NDFIP1: variants seen among roughly 807,000 people sequenced by gnomAD.
The protein encoded by NDFIP1 is NEDD4 family-interacting protein 1.
Under a neutral mutation model 28.8 loss-of-function variants are expected in NDFIP1, and 7 were observed. The observed-to-expected ratio is 0.24, with a 90% CI of 0.14 to 0.46. The LOEUF (loss-of-function observed/expected upper bound fraction) is 0.46, where lower values mean the gene tolerates loss of function less well. Among genes scored for constraint, NDFIP1 ranks in the 20% least tolerant of loss-of-function variants. NDFIP1 has a pLI of 0.99. For synonymous variants in NDFIP1, 92 were observed against 101.0 expected (o/e 0.91, Z 0.53); for missense variants, 194 against 269.1 (o/e 0.72, Z 1.95).
chr5:142,151,530 G>A (rs1051501378), intron 7 of NDFIP1, among the ~76,000 whole-genome samples: 35 of 152,160 alleles, frequency 2.3e-4, no homozygotes, highest in Admixed American at 2.3e-3. Flanking sequence ...GTTTTTTCTA[G>A]TTCTAGAGGC....
chr5:142,130,916 A>G (rs1757221167), intron 1 of NDFIP1, among the ~76,000 whole-genome samples: 1 of 152,156 alleles, frequency 6.6e-6, no homozygotes, highest in African/African-American at 2.4e-5. Context: ...TTTTTCATGT[A>G]ATAATAGTAC....
In NDFIP1 at chr5:142,135,748, C is replaced by G; in HGVS notation, c.301C>G (p.Arg101Gly). 6.2e-7 allele frequency: 1 copy of G among 1,613,190 alleles called. No individual in the cohort carries two copies. Among genetic ancestry groups the G allele is most frequent in the Non-Finnish European group, 8.5e-7 (1 of 1,179,542 alleles). Residue 101 changes from arginine to glycine, a missense_variant, in exon 4 of 8, where the codon CGG (arginine) becomes GGG (glycine). Physicochemically the swap from Arg to Gly is moderately radical, Grantham distance 125. Transcript: ENST00000253814. ...VPGRDEDFVG[R>G]DDFDDADQLR... ...CATTTAGGATGAGGATTTTGTGGGT[C>G]GGGATGATTTTGATGATGCTGACCA...
At chr5:142,146,989 T>G (rs76964416) in intron 7 of NDFIP1, among the ~76,000 whole-genome samples, 3,226 of 152,242 alleles carry the variant, frequency 0.021, 68 homozygotes, top group Middle Eastern at 0.044. Flanking sequence ...CTAAGGGAGA[T>G]TCAAGTGTTG....
chr5:142,142,332 T>G (rs1483823686), intron 6 of NDFIP1, among the ~76,000 whole-genome samples: 1 of 152,074 alleles, frequency 6.6e-6, no homozygotes, highest in Non-Finnish European at 1.5e-5. Context: ...CTCTATTGAT[T>G]ATTGAGAACT....
At chr5:142,116,904 T>C (rs1757074358) in intron 1 of NDFIP1, among the ~76,000 whole-genome samples, 2 of 151,870 alleles carry the variant, frequency 1.3e-5, no homozygotes, top group Admixed American at 1.3e-4. Flanking sequence ...AGAGATGGGG[T>C]TTCACCACGT....
intron 4 of NDFIP1, among the ~76,000 whole-genome samples, chr5:142,136,935 G>C (rs975358398): frequency 6.6e-6 from 1 of 151,086 alleles, no homozygotes; most frequent in Non-Finnish European, 1.5e-5. Context: ...GCCGGGCCTG[G>C]CGGTGCACGC....
At chr5:142,110,319 G>A (rs1029464505) in intron 1 of NDFIP1, among the ~76,000 whole-genome samples, 4 of 152,154 alleles carry the variant, frequency 2.6e-5, no homozygotes, top group African/African-American at 9.7e-5. Context: ...CAGCCTGCGG[G>A]TTCCTTACTG....
chr5:142,135,649 T>C, intron 3 of NDFIP1, 81 bp from the exon 4 acceptor site: 1 of 1,229,686 alleles, frequency 8.1e-7, no homozygotes, highest in Non-Finnish European at 1.2e-6. Flanking sequence ...ATAACTTTTT[T>C]CCTTGCTACT....
At chr5:142,109,102 T>G in intron 1 of NDFIP1, 65 bp downstream of exon 1, 1 of 1,241,678 alleles carries the variant, frequency 8.1e-7, no homozygotes, top group Non-Finnish European at 1.0e-6. Flanking sequence ...GCTGGCCGCC[T>G]CAGGCCTCTC....
chr5:142,125,640 T>C (rs1396132422), intron 1 of NDFIP1, among the ~76,000 whole-genome samples: 7 of 152,226 alleles, frequency 4.6e-5, no homozygotes, highest in African/African-American at 1.4e-4. Flanking sequence ...GATTGCAGGC[T>C]GAGCCACTGT....
chr5:142,135,875 G>T, intron 4 of NDFIP1, 58 bp downstream of exon 4: 1 of 1,214,786 alleles, frequency 8.2e-7, no homozygotes, highest in Non-Finnish European at 1.2e-6. Context: ...TTGGATTATG[G>T]GTGAATCTGA....
intron 1 of NDFIP1, among the ~76,000 whole-genome samples, chr5:142,115,298 T>C (rs1002029213): frequency 2.0e-5 from 3 of 152,192 alleles, no homozygotes; most frequent in African/African-American, 7.2e-5. Context: ...GTTTGTTTGT[T>C]TTGAGATGGA....
chr5:142,129,740 C>T (rs1757206727), intron 1 of NDFIP1, among the ~76,000 whole-genome samples: 1 of 151,600 alleles, frequency 6.6e-6, no homozygotes, highest in South Asian at 2.1e-4. Context: ...GAGCCTGGCC[C>T]ACGTCTACTA....
At chr5:142,139,219 CAA>C (rs11384111) in intron 5 of NDFIP1, among the ~76,000 whole-genome samples, 22 of 109,290 alleles carry the variant, frequency 2.0e-4, no homozygotes, top group Non-Finnish European at 3.7e-4. Flanking sequence ...GACTCCTTCT[CAA>C]AAAAAAAAAA....
intron 6 of NDFIP1, among the ~76,000 whole-genome samples, chr5:142,141,128 G>A (rs986980610): frequency 2.7e-4 from 39 of 143,858 alleles, no homozygotes; most frequent in African/African-American, 9.2e-4. Context: ...TTAGTTTACC[G>A]TTGGTGAGAA....
chr5:142,114,576 T>C (rs1264693210), intron 1 of NDFIP1, among the ~76,000 whole-genome samples: 1 of 152,254 alleles, frequency 6.6e-6, no homozygotes, highest in East Asian at 1.9e-4. Flanking sequence ...ATTTCACTTA[T>C]ACTCACCACA....
At chr5:142,113,755 C>G (rs991618019) in intron 1 of NDFIP1, among the ~76,000 whole-genome samples, 2 of 152,098 alleles carry the variant, frequency 1.3e-5, no homozygotes, top group Non-Finnish European at 2.9e-5. Context: ...ATTCTACTTT[C>G]TATGTATTTG....
At chr5:142,110,011 A>G (rs572127748) in intron 1 of NDFIP1, among the ~76,000 whole-genome samples, 7 of 152,278 alleles carry the variant, frequency 4.6e-5, no homozygotes, top group African/African-American at 9.6e-5. Flanking sequence ...CCTTTTATCA[A>G]ATAAAATGTC....
At chr5:142,140,363 G>A (rs1183145944) in intron 5 of NDFIP1, among the ~76,000 whole-genome samples, 200 bp from the exon 6 acceptor site, 2 of 150,966 alleles carry the variant, frequency 1.3e-5, no homozygotes, top group Admixed American at 6.6e-5. Context: ...CAGGAGAATC[G>A]CTTGAACCTG....
Sources: allele counts gnomAD v4.1 joint callset (sites outside exome capture counted in the v4.1 genomes callset), GRCh38; gene constraint gnomAD v4.1.1; transcripts MANE v1.5; gene names NCBI Gene and HGNC (gene_info 2026-07-23, HGNC 2026-07-21).